The following GRIP1 variants were observed in gnomAD, a reference collection of about 807,000 sequenced individuals.
The protein encoded by GRIP1 is glutamate receptor interacting protein 1.
Under a neutral mutation model 129.9 loss-of-function variants are expected in GRIP1, and 45 were observed. That is an observed-to-expected ratio of 0.35 (90% CI 0.27 to 0.44). GRIP1 has a LOEUF of 0.44. GRIP1 is among the 20% of genes least tolerant of loss of function. GRIP1 has a pLI of 1.00. For synonymous variants in GRIP1, 530 were observed against 520.8 expected (o/e 1.02, Z -0.24); for missense variants, 1,196 against 1,396.8 (o/e 0.86, Z 2.29).
At chr12:66,606,275 C>G (rs1277150669) in intron 1 of GRIP1, among the ~76,000 whole-genome samples, 1 of 152,086 alleles carries the variant, frequency 6.6e-6, no homozygotes, top group Non-Finnish European at 1.5e-5. Flanking sequence ...GAAAAGTAAA[C>G]CTCAGGTTGA....
At chr12:66,401,318 T>C (rs954316667) in intron 16 of GRIP1, among the ~76,000 whole-genome samples, 1 of 152,038 alleles carries the variant, frequency 6.6e-6, no homozygotes, top group African/African-American at 2.4e-5. Context: ...GGCTCACACC[T>C]GTAAATCCCA....
chr12:66,711,798 T>C (rs1404390836), intron 1 of GRIP1, among the ~76,000 whole-genome samples: 1 of 151,862 alleles, frequency 6.6e-6, no homozygotes, highest in Non-Finnish European at 1.5e-5. Context: ...CATGAGAAAG[T>C]AGGATTAATA....
At chr12:66,593,445 C>T (rs1417720655) in intron 2 of GRIP1, among the ~76,000 whole-genome samples, 1 of 152,074 alleles carries the variant, frequency 6.6e-6, no homozygotes, top group Non-Finnish European at 1.5e-5. Context: ...CTCTTTAGGA[C>T]AGAAATGTTT....
At chr12:66,855,062 C>T (rs184408031) in intron 1 of GRIP1, among the ~76,000 whole-genome samples, 62 of 151,596 alleles carry the variant, frequency 4.1e-4, no homozygotes, top group African/African-American at 1.4e-3. Context: ...TATTTATTGG[C>T]GTGTGTGAGG....
intron 1 of GRIP1, among the ~76,000 whole-genome samples, chr12:66,888,104 C>G (rs962912303): frequency 2.0e-5 from 3 of 152,152 alleles, no homozygotes; most frequent in African/African-American, 7.2e-5. Context: ...GTTGCCCAGG[C>G]TGGAGTGCAG....
intron 1 of GRIP1, among the ~76,000 whole-genome samples, chr12:66,773,575 G>A (rs2037888411): frequency 6.6e-6 from 1 of 152,158 alleles, no homozygotes; most frequent in South Asian, 2.1e-4. Context: ...GGGGCTAGGG[G>A]AGTGATAGCA....
In GRIP1 at chr12:66,348,743, T is replaced by G; in HGVS notation, c.*276A>C. On this transcript the variant is annotated 3_prime_UTR_variant, in exon 25 of 25. Coordinates refer to ENST00000359742, the MANE Select transcript of GRIP1 (RefSeq NM_001366722.1). ...TGAACTTGTAAAAAATTTCCTCTGA[T>G]GTTAATTGTAGAGTTGTGGGGGACG... 1 of 425,474 alleles carries G rather than the reference T, an allele frequency of 2.4e-6. No homozygotes were observed. Among genetic ancestry groups the G allele is most frequent in the Non-Finnish European group, 4.2e-6 (1 of 236,376 alleles). 26.4% of individuals were successfully genotyped at this position (425,474 alleles called of 1,614,324 possible).
chr12:66,610,321 A>T (rs2064740936), intron 1 of GRIP1, among the ~76,000 whole-genome samples: 1 of 152,148 alleles, frequency 6.6e-6, no homozygotes, highest in Admixed American at 6.6e-5. Context: ...AGACATCTAC[A>T]TGTATCTATT....
chr12:66,792,026 T>C (rs1461641850), intron 1 of GRIP1, among the ~76,000 whole-genome samples: 1 of 152,088 alleles, frequency 6.6e-6, no homozygotes, highest in East Asian at 1.9e-4. Context: ...GGATTTCTCA[T>C]GAGAAAGAGG....
chr12:66,362,341 T>C (rs777293862), intron 23 of GRIP1, among the ~76,000 whole-genome samples: 2 of 151,616 alleles, frequency 1.3e-5, no homozygotes, highest in African/African-American at 2.4e-5. Context: ...TTAGTAGAGA[T>C]GGGGTTTCTC....
At chr12:66,532,391 G>A (rs370550096) in intron 4 of GRIP1, among the ~76,000 whole-genome samples, 8 of 152,006 alleles carry the variant, frequency 5.3e-5, no homozygotes, top group Non-Finnish European at 7.4e-5. Flanking sequence ...AATTCTCCTC[G>A]GTCTTTCAAT....
intron 1 of GRIP1, 140 bp downstream of exon 1, chr12:66,678,710 T>G (rs1251262275): frequency 2.6e-6 from 2 of 768,536 alleles, no homozygotes; most frequent in East Asian, 5.3e-5. Flanking sequence ...TACATATGTA[T>G]CTATACATAT....
At chr12:66,411,441 T>C (rs949192180) in intron 15 of GRIP1, among the ~76,000 whole-genome samples, 5 of 152,140 alleles carry the variant, frequency 3.3e-5, no homozygotes, top group Non-Finnish European at 1.5e-5. Flanking sequence ...GGTAACATCA[T>C]TAACGAAAAG....
chr12:66,581,741 G>T (rs1204245359), intron 2 of GRIP1, among the ~76,000 whole-genome samples: 4 of 152,124 alleles, frequency 2.6e-5, no homozygotes, highest in South Asian at 2.1e-4. Context: ...AATAACAGGA[G>T]CTGAAATTGT....
At chr12:66,632,462 G>T (rs181901187) in intron 1 of GRIP1, among the ~76,000 whole-genome samples, 3 of 152,270 alleles carry the variant, frequency 2.0e-5, no homozygotes, top group African/African-American at 2.4e-5. Context: ...CTCTTCCCTG[G>T]ATGGTGCCAA....
At chr12:66,962,523 CAAAAACAGGCAGG>C (rs2041936787) in intron 1 of GRIP1, among the ~76,000 whole-genome samples, 1 of 152,062 alleles carries the variant, frequency 6.6e-6, no homozygotes, top group African/African-American at 2.4e-5. Context: ...CTCTCTGCAA[CAAAAACAGGCAGG>C]AAGCAGTAAG....
At chr12:66,998,371 T>C (rs570118029) in intron 1 of GRIP1, among the ~76,000 whole-genome samples, 79 of 152,288 alleles carry the variant, frequency 5.2e-4, no homozygotes, top group African/African-American at 1.6e-3. Context: ...AAAAATACTT[T>C]TCAGTTATGT....
chr12:66,440,053 A>C (rs1272139203), intron 13 of GRIP1, among the ~76,000 whole-genome samples: 1 of 151,962 alleles, frequency 6.6e-6, no homozygotes, highest in East Asian at 1.9e-4. Flanking sequence ...ATTCTTTTCA[A>C]CCCTCGAAGC....
At chr12:66,712,896 C>T (rs957515070) in intron 1 of GRIP1, among the ~76,000 whole-genome samples, 9 of 151,954 alleles carry the variant, frequency 5.9e-5, no homozygotes, top group African/African-American at 2.2e-4. Flanking sequence ...AGGCGGTGAA[C>T]TCATTGAGGG....
Sources: allele counts gnomAD v4.1 joint callset (sites outside exome capture counted in the v4.1 genomes callset), GRCh38; gene constraint gnomAD v4.1.1; transcripts MANE v1.5; gene names NCBI Gene and HGNC (gene_info 2026-07-23, HGNC 2026-07-21).